The following KCNH5 variants were observed in gnomAD, a reference collection of about 807,000 sequenced individuals.
KCNH5 encodes the protein voltage-gated delayed rectifier potassium channel KCNH5.
KCNH5 carries 46 observed loss-of-function variants against 96.1 expected under a neutral mutation model. The observed-to-expected ratio is 0.48, with a 90% CI of 0.38 to 0.61. The LOEUF is 0.61. Among genes scored for constraint, KCNH5 ranks in the 20% least tolerant of loss-of-function variants. KCNH5 has a pLI of 0.00. For synonymous variants in KCNH5, 439 were observed against 449.8 expected (o/e 0.98, Z 0.30); for missense variants, 907 against 1,225.8 (o/e 0.74, Z 3.88).
intron 8 of KCNH5, among the ~76,000 whole-genome samples, chr14:62,805,548 T>C (rs1435107454): frequency 6.6e-6 from 1 of 152,160 alleles, no homozygotes; most frequent in African/African-American, 2.4e-5. Context: ...TATCTTGTTA[T>C]TTACTCTGGA....
chr14:62,741,256 A>G (rs1177746614), intron 10 of KCNH5, among the ~76,000 whole-genome samples: 2 of 152,132 alleles, frequency 1.3e-5, no homozygotes, highest in Non-Finnish European at 1.5e-5. Flanking sequence ...CTATATTTTC[A>G]GATAAGGGGA....
chr14:62,994,193 C>T (rs1166350990), intron 4 of KCNH5, among the ~76,000 whole-genome samples: 1 of 152,070 alleles, frequency 6.6e-6, no homozygotes, highest in South Asian at 2.1e-4. Flanking sequence ...CATATTTCAT[C>T]TGTTGTTTCC....
In KCNH5 at chr14:62,733,127, A is replaced by T. The variant is rs58763215; in HGVS notation, c.2020-24672T>A. Among the ~76,000 whole-genome samples the T allele has an allele frequency of 9.8e-3, 1,496 of 152,232 alleles. 27 individuals carry two copies. The highest frequency in any genetic ancestry group is 0.094 in the East Asian group (487 of 5,182). The stretch of plus-strand genomic sequence containing the variant: ...AGCCAAGCCCAGATTACCCAAGCAG[A>T]ATCTGCTGCTTCTTTCCTGCTGGGT... On this transcript the variant is annotated intron_variant, in intron 10 of 10. Coordinates refer to ENST00000322893, the MANE Select transcript of KCNH5 (RefSeq NM_139318.5).
At chr14:62,949,918 C>A (rs1889966831) in intron 7 of KCNH5, 1 of 487,290 alleles carries the variant, frequency 2.1e-6, no homozygotes, top group Admixed American at 3.4e-5. Context: ...TGGGTACACA[C>A]ATTAATATGT....
intron 1 of KCNH5, among the ~76,000 whole-genome samples, chr14:63,041,749 T>C (rs1238624916): frequency 6.6e-6 from 1 of 152,134 alleles, no homozygotes; most frequent in Non-Finnish European, 1.5e-5. Context: ...TTTTATAGAC[T>C]TTGAATCACC....
chr14:62,857,495 T>G (rs1240770959), intron 7 of KCNH5, among the ~76,000 whole-genome samples: 1 of 152,106 alleles, frequency 6.6e-6, no homozygotes, highest in Non-Finnish European at 1.5e-5. Flanking sequence ...GTTTATTAAG[T>G]GTTAACTCAC....
intron 8 of KCNH5, among the ~76,000 whole-genome samples, chr14:62,831,185 T>C (rs1363078115): frequency 6.6e-6 from 1 of 152,164 alleles, no homozygotes; most frequent in African/African-American, 2.4e-5. Flanking sequence ...ACATCTCTCT[T>C]CCTCTCTTTT....
chr14:62,742,421 A>G (rs1009352461), intron 10 of KCNH5, among the ~76,000 whole-genome samples: 2 of 151,874 alleles, frequency 1.3e-5, no homozygotes, highest in Non-Finnish European at 2.9e-5. Flanking sequence ...ATTCTTGTGT[A>G]CAGCTTTGGA....
chr14:62,865,151 A>G (rs1215042800), intron 7 of KCNH5, among the ~76,000 whole-genome samples: 2 of 152,160 alleles, frequency 1.3e-5, no homozygotes, highest in Non-Finnish European at 2.9e-5. Context: ...AGGTAGTGAC[A>G]GAGAGCAAGG....
intron 7 of KCNH5, among the ~76,000 whole-genome samples, chr14:62,881,309 C>T (rs1172217936): frequency 2.0e-5 from 3 of 152,000 alleles, no homozygotes; most frequent in African/African-American, 7.2e-5. Context: ...ATTTATAAAC[C>T]CTCATTATAA....
chr14:62,812,345 C>T (rs924870709), intron 8 of KCNH5, among the ~76,000 whole-genome samples: 1 of 152,024 alleles, frequency 6.6e-6, no homozygotes, highest in Admixed American at 6.6e-5. Flanking sequence ...ATTTCAGCTC[C>T]AACAAATGTA....
intron 4 of KCNH5, among the ~76,000 whole-genome samples, chr14:62,988,334 T>C (rs1472823818): frequency 6.6e-6 from 1 of 152,062 alleles, no homozygotes; most frequent in African/African-American, 2.4e-5. Flanking sequence ...AAACTCCTGA[T>C]GTTCCAAAGG....
chr14:63,036,230 T>C (rs1891718884), intron 1 of KCNH5, among the ~76,000 whole-genome samples: 1 of 152,222 alleles, frequency 6.6e-6, no homozygotes, highest in African/African-American at 2.4e-5. Flanking sequence ...TGTAGTTCTT[T>C]CTTTGGTCCA....
At chr14:62,737,828 G>A (rs1885190745) in intron 10 of KCNH5, among the ~76,000 whole-genome samples, 3 of 152,074 alleles carry the variant, frequency 2.0e-5, no homozygotes. Flanking sequence ...TACTTGCTAA[G>A]ACTTACTAAA....
At chr14:62,884,491 C>A (rs1888556396) in intron 7 of KCNH5, among the ~76,000 whole-genome samples, 1 of 152,056 alleles carries the variant, frequency 6.6e-6, no homozygotes, top group Non-Finnish European at 1.5e-5. Context: ...CCAGGTGTGG[C>A]AGTATGCGCC....
chr14:63,000,267 G>C (rs1890987513), intron 4 of KCNH5, among the ~76,000 whole-genome samples: 2 of 152,290 alleles, frequency 1.3e-5, no homozygotes, highest in African/African-American at 4.8e-5. Context: ...CAAATGCAAA[G>C]AGGAAGACAT....
chr14:63,006,349 A>G lies in KCNH5; in HGVS notation c.304+17T>C, dbSNP rs1891124932. 2 of 1,468,390 alleles carry G rather than the reference A, an allele frequency of 1.4e-6. No individual in the cohort carries two copies. The highest frequency in any genetic ancestry group is 1.4e-5 in the African/African-American group (1 of 71,944). 91.0% of individuals were successfully genotyped at this position (1,468,390 alleles called of 1,614,324 possible). On this transcript the variant is annotated intron_variant, in intron 3 of 10. Coordinates refer to ENST00000322893, the MANE Select transcript of KCNH5 (RefSeq NM_139318.5). ...AATAAAGAGTTGGCACATCTTATTA[A>G]TAATTGAGATACCTACTGTTTTTCT... is the stretch of plus-strand genomic sequence containing the variant.
intron 6 of KCNH5, among the ~76,000 whole-genome samples, chr14:62,980,256 G>A (rs538901145): frequency 5.3e-5 from 8 of 152,200 alleles, no homozygotes; most frequent in East Asian, 1.9e-4. Flanking sequence ...GGACTAATAC[G>A]TCATCCAATA....
chr14:62,846,946 G>T (rs900117569), intron 8 of KCNH5, among the ~76,000 whole-genome samples: 30 of 148,128 alleles, frequency 2.0e-4, no homozygotes, highest in Non-Finnish European at 3.9e-4. Context: ...GACTACAGGC[G>T]CCCGCCAGCA....
Sources: allele counts gnomAD v4.1 joint callset (sites outside exome capture counted in the v4.1 genomes callset), GRCh38; gene constraint gnomAD v4.1.1; transcripts MANE v1.5; gene names NCBI Gene and HGNC (gene_info 2026-07-23, HGNC 2026-07-21).